FAM168A: variants seen among roughly 807,000 people sequenced by gnomAD.
The protein encoded by FAM168A is protein FAM168A.
Under a neutral mutation model 28.5 loss-of-function variants are expected in FAM168A, and 3 were observed. The observed-to-expected ratio is 0.11, with a 90% CI of 0.05 to 0.27. The LOEUF (loss-of-function observed/expected upper bound fraction) is 0.27. Ranked by LOEUF, FAM168A falls within the 10% of genes least tolerant of loss-of-function variation. FAM168A has a pLI of 1.00. For synonymous variants in FAM168A, 122 were observed against 124.2 expected (o/e 0.98, Z 0.12); for missense variants, 222 against 311.5 (o/e 0.71, Z 2.16).
intron 1 of FAM168A, among the ~76,000 whole-genome samples, chr11:73,590,547 C>CA (rs1944369137): frequency 6.6e-6 from 1 of 152,112 alleles, no homozygotes; most frequent in Non-Finnish European, 1.5e-5. Flanking sequence ...CATAAACAGG[C>CA]AAAAATAATC....
intron 1 of FAM168A, among the ~76,000 whole-genome samples, chr11:73,528,162 A>G (rs7931767): frequency 0.078 from 11,803 of 152,250 alleles, 550 homozygotes; most frequent in Non-Finnish European, 0.1. Flanking sequence ...CTAGAACAGA[A>G]TCTCTCCCAG....
At chr11:73,505,239 A>C (rs1466330803) in intron 1 of FAM168A, among the ~76,000 whole-genome samples, 5 of 145,980 alleles carry the variant, frequency 3.4e-5, no homozygotes, top group Non-Finnish European at 4.4e-5. Flanking sequence ...TTTTGCAAAA[A>C]GGAAAAAAAA....
chr11:73,576,514 T>A lies in FAM168A; in HGVS notation c.-19+21409A>T, dbSNP rs1442923291. 3.3e-5 allele frequency among the ~76,000 whole-genome samples: 5 copies of A among 152,328 alleles called. No individual in the cohort carries two copies. The East Asian group carries it at 7.7e-4, about 23-fold the overall frequency. ...CTGCAGCAAAGAGGTGAAAACTGAA[T>A]GAGCGGTTACCAGAAGCAGTAATTT... is the stretch of plus-strand genomic sequence containing the variant. On this transcript the variant is annotated intron_variant, in intron 1 of 7. Coordinates refer to ENST00000356467, the MANE Select transcript of FAM168A (RefSeq NM_015159.3).
chr11:73,504,494 C>A (rs200985850), intron 1 of FAM168A, among the ~76,000 whole-genome samples: 1 of 152,134 alleles, frequency 6.6e-6, no homozygotes, highest in Non-Finnish European at 1.5e-5. Flanking sequence ...ATTAAAAAGT[C>A]AGGAAACAAC....
At chr11:73,454,802 C>G (rs1867498546) in intron 2 of FAM168A, among the ~76,000 whole-genome samples, 1 of 152,158 alleles carries the variant, frequency 6.6e-6, no homozygotes, top group Admixed American at 6.5e-5. Context: ...AGCTGGACTT[C>G]AGGGGAAGAT....
At chr11:73,449,323 T>C (rs75012038) in intron 2 of FAM168A, among the ~76,000 whole-genome samples, 4,000 of 152,196 alleles carry the variant, frequency 0.026, 69 homozygotes, top group Non-Finnish European at 0.042. Flanking sequence ...TTATAACTGA[T>C]GCATAGTGAG....
chr11:73,470,114 G>A (rs1368774495), intron 1 of FAM168A, among the ~76,000 whole-genome samples: 4 of 152,132 alleles, frequency 2.6e-5, no homozygotes, highest in Admixed American at 6.5e-5. Context: ...GTTTCACCGT[G>A]TTAGCCAGGA....
At chr11:73,460,131 C>T (rs1470192066) in intron 2 of FAM168A, among the ~76,000 whole-genome samples, 1 of 152,032 alleles carries the variant, frequency 6.6e-6, no homozygotes, top group East Asian at 1.9e-4. Context: ...CCGCCCACCT[C>T]GGCCTCCCAA....
intron 4 of FAM168A, among the ~76,000 whole-genome samples, chr11:73,413,109 T>G (rs1866641301): frequency 6.6e-6 from 1 of 152,182 alleles, no homozygotes; most frequent in Non-Finnish European, 1.5e-5. Flanking sequence ...AAAAGCAAAC[T>G]ACCACATGGT....
At chr11:73,456,627 T>A (rs1484260008) in intron 2 of FAM168A, among the ~76,000 whole-genome samples, 2 of 152,276 alleles carry the variant, frequency 1.3e-5, no homozygotes, top group East Asian at 3.8e-4. Context: ...TTCATTGTTA[T>A]TGTTTTAAGG....
At chr11:73,423,946 G>C (rs943811283) in intron 3 of FAM168A, among the ~76,000 whole-genome samples, 1 of 152,218 alleles carries the variant, frequency 6.6e-6, no homozygotes, top group Non-Finnish European at 1.5e-5. Flanking sequence ...AAGAATGAAA[G>C]CTTCTCTAAC....
At chr11:73,460,685 G>A (rs1296980631) in intron 2 of FAM168A, among the ~76,000 whole-genome samples, 1 of 151,890 alleles carries the variant, frequency 6.6e-6, no homozygotes, top group Non-Finnish European at 1.5e-5. Flanking sequence ...TGTATTTTTA[G>A]TAGAGACGGG....
intron 3 of FAM168A, among the ~76,000 whole-genome samples, chr11:73,426,293 C>T (rs1590764612): frequency 6.6e-6 from 1 of 152,116 alleles, no homozygotes; most frequent in East Asian, 1.9e-4. Context: ...TAAATAAGAT[C>T]CCTGAAATCA....
chr11:73,547,577 G>A (rs370871493), intron 1 of FAM168A, among the ~76,000 whole-genome samples: 5 of 152,236 alleles, frequency 3.3e-5, no homozygotes, highest in East Asian at 3.9e-4. Context: ...CAGGAGGGTC[G>A]CTTGAGCCCA....
chr11:73,587,142 A>C (rs531929315), intron 1 of FAM168A, among the ~76,000 whole-genome samples: 1 of 142,482 alleles, frequency 7.0e-6, no homozygotes, highest in East Asian at 2.0e-4. Flanking sequence ...TGCATTCTTC[A>C]TGGACATGTT....
intron 2 of FAM168A, among the ~76,000 whole-genome samples, chr11:73,457,203 CAG>C (rs1867548382): frequency 6.6e-6 from 1 of 150,856 alleles, no homozygotes; most frequent in Admixed American, 6.6e-5. Context: ...GCCTAGGTAA[CAG>C]AGAGAGATCC....
chr11:73,410,691 A>AT (rs961906028), intron 5 of FAM168A: 2 of 152,230 alleles, frequency 1.3e-5, no homozygotes, highest in African/African-American at 4.8e-5. Context: ...CTTGAGATCA[A>AT]TTTAAGTTTT....
intron 1 of FAM168A, among the ~76,000 whole-genome samples, chr11:73,483,333 G>A (rs540479624): frequency 3.0e-4 from 46 of 152,290 alleles, no homozygotes; most frequent in Middle Eastern, 6.8e-3. Flanking sequence ...CTTTAGAAGG[G>A]TAATTACTGA....
intron 1 of FAM168A, among the ~76,000 whole-genome samples, chr11:73,511,721 T>C (rs1200560657): frequency 6.6e-6 from 1 of 152,150 alleles, no homozygotes; most frequent in Non-Finnish European, 1.5e-5. Flanking sequence ...CTATTTAATA[T>C]CTAGATGATG....
Sources: gnomAD v4.1 joint callset for allele counts (sites outside exome capture counted in the v4.1 genomes callset) on GRCh38, gnomAD v4.1.1 for gene constraint, MANE v1.5 for transcripts, NCBI Gene and HGNC (gene_info 2026-07-23, HGNC 2026-07-21) for gene names.